Variants in COX16 observed in about 807,000 individuals in gnomAD.
The protein encoded by COX16 is cytochrome c oxidase assembly protein COX16 homolog, mitochondrial.
A neutral mutation model predicts 15.4 loss-of-function variants in COX16; 12 were observed. That is an observed-to-expected ratio of 0.78 (90% CI 0.50 to 1.26). The LOEUF is 1.26. Ranked by LOEUF, COX16 falls within the 50% of genes most tolerant of loss-of-function variation. The pLI, the probability that COX16 is intolerant of heterozygous loss-of-function variation, is 0.00. For synonymous variants in COX16, 46 were observed against 41.1 expected, an observed-to-expected ratio of 1.12 and a Z score of -0.46; for missense variants, 124 against 127.6, an observed-to-expected ratio of 0.97 and a Z score of 0.14.
intron 2 of COX16, among the ~76,000 whole-genome samples, chr14:70,339,727 C>T (rs1886568091): frequency 1.3e-5 from 2 of 152,168 alleles, no homozygotes; most frequent in South Asian, 2.1e-4. Context: ...ATCCTCTCTA[C>T]CTAACTGGAA....
At chr14:70,333,123 A>C (rs1020902178) in intron 2 of COX16, among the ~76,000 whole-genome samples, 1 of 152,134 alleles carries the variant, frequency 6.6e-6, no homozygotes. Flanking sequence ...ACAAAACCAG[A>C]CTTGCACAGA....
chr14:70,328,071 GA>G (rs1886142169), intron 3 of COX16: 1 of 59,074 alleles, frequency 1.7e-5, no homozygotes, highest in South Asian at 7.2e-4. Context: ...CTGAGAATAA[GA>G]TTTTTTTTTT....
chr14:70,352,507 T>G (rs1886985455), intron 1 of COX16, among the ~76,000 whole-genome samples: 1 of 152,110 alleles, frequency 6.6e-6, no homozygotes, highest in African/African-American at 2.4e-5. Flanking sequence ...TATATTTGTA[T>G]GTGTGTCATA....
At chr14:70,330,814 C>A (rs1463833718) in intron 2 of COX16, among the ~76,000 whole-genome samples, 13 of 152,172 alleles carry the variant, frequency 8.5e-5, no homozygotes, top group Admixed American at 6.5e-5. Flanking sequence ...TGCACAATTT[C>A]TTATCTATTA....
intron 2 of COX16, among the ~76,000 whole-genome samples, chr14:70,341,943 AAT>A (rs1468749264): frequency 1.2e-4 from 19 of 152,160 alleles, no homozygotes; most frequent in Admixed American, 4.6e-4. Context: ...TATACTGAAA[AAT>A]AGTTTTCCTT....
intron 1 of COX16, among the ~76,000 whole-genome samples, chr14:70,350,077 T>C (rs1886901545): frequency 6.6e-6 from 1 of 152,172 alleles, no homozygotes; most frequent in East Asian, 1.9e-4. Flanking sequence ...CCCTTTTCTA[T>C]AACCAAATAG....
chr14:70,357,513 T>G (rs750853764), intron 1 of COX16, among the ~76,000 whole-genome samples: 1 of 152,180 alleles, frequency 6.6e-6, no homozygotes, highest in Non-Finnish European at 1.5e-5. Flanking sequence ...ACTGGCAGAT[T>G]TGTTGGTTTT....
At chr14:70,330,980 ATAAAG>A (rs1412198747) in intron 2 of COX16, among the ~76,000 whole-genome samples, 7 of 151,962 alleles carry the variant, frequency 4.6e-5, no homozygotes, top group African/African-American at 1.5e-4. Context: ...CTTAAAAATC[ATAAAG>A]TAAAAGAAGA....
rs1378210129 is a variant in COX16, at chr14:70,337,993, G to C, written c.141+4665C>G. Among the ~76,000 whole-genome samples the C allele has an allele frequency of 2.6e-5, 4 of 152,150 alleles. No homozygotes were observed. The East Asian group carries it at 7.7e-4, about 29-fold the overall frequency. On this transcript the variant is annotated intron_variant, in intron 2 of 3. Transcript: ENST00000389912. ...GAAGAATATAACACACATCTGATTGGTATCCCATAAAGAAAACTCGGCAAA... is the reference window on the plus strand; with the variant it reads ...GAAGAATATAACACACATCTGATTGCTATCCCATAAAGAAAACTCGGCAAA...
At chr14:70,341,005 T>A (rs571396141) in intron 2 of COX16, among the ~76,000 whole-genome samples, 2 of 152,340 alleles carry the variant, frequency 1.3e-5, no homozygotes, top group African/African-American at 4.8e-5. Context: ...TTATAAGTAC[T>A]AGTTTCTGAA....
intron 2 of COX16, among the ~76,000 whole-genome samples, chr14:70,336,290 C>T (rs1356704833): frequency 6.6e-6 from 1 of 151,576 alleles, no homozygotes; most frequent in Non-Finnish European, 1.5e-5. Context: ...AACAAAAAAG[C>T]GCAGTAGTGT....
chr14:70,330,534 G>A (rs1886250129), intron 2 of COX16, among the ~76,000 whole-genome samples: 1 of 152,000 alleles, frequency 6.6e-6, no homozygotes, highest in Non-Finnish European at 1.5e-5. Context: ...AAAAATAACA[G>A]GCCAGCTTCA....
chr14:70,348,512 G>T (rs1339635335), intron 1 of COX16, among the ~76,000 whole-genome samples: 1 of 151,992 alleles, frequency 6.6e-6, no homozygotes, highest in Non-Finnish European at 1.5e-5. Flanking sequence ...TTGGTTTGTA[G>T]ATGGCAGCTC....
intron 2 of COX16, among the ~76,000 whole-genome samples, chr14:70,336,569 AT>A (rs771450717): frequency 7.9e-5 from 12 of 152,246 alleles, no homozygotes; most frequent in Non-Finnish European, 1.5e-4. Flanking sequence ...TGTAAAAGGG[AT>A]AAAACACAAA....
intron 2 of COX16, among the ~76,000 whole-genome samples, chr14:70,330,954 A>G (rs1566597016): frequency 2.6e-5 from 4 of 152,216 alleles, no homozygotes; most frequent in Non-Finnish European, 5.9e-5. Context: ...TATACTTTGG[A>G]GTAGGGAAAA....
chr14:70,328,487 C>A (rs147801737), intron 3 of COX16, among the ~76,000 whole-genome samples: 6 of 152,264 alleles, frequency 3.9e-5, no homozygotes, highest in African/African-American at 1.4e-4. Flanking sequence ...AACATCCTCA[C>A]CACATCCCAT....
chr14:70,333,014 T>G (rs1167977368), intron 2 of COX16, among the ~76,000 whole-genome samples: 1 of 152,174 alleles, frequency 6.6e-6, no homozygotes, highest in African/African-American at 2.4e-5. Flanking sequence ...TTGGGCACTC[T>G]CTAGGGCTGA....
At chr14:70,350,386 C>G (rs1364806819) in intron 1 of COX16, among the ~76,000 whole-genome samples, 1 of 152,160 alleles carries the variant, frequency 6.6e-6, no homozygotes, top group African/African-American at 2.4e-5. Context: ...CTCAGCCCGC[C>G]TGCACCCAGG....
chr14:70,355,990 C>T lies in COX16; in HGVS notation c.69+3529G>A, dbSNP rs147256399. Among the ~76,000 whole-genome samples, 47 of 152,306 alleles carry T rather than the reference C, an allele frequency of 3.1e-4. No homozygotes were observed. In the East Asian group the frequency reaches 7.5e-3, roughly 24 times the overall value. On this transcript the variant is annotated intron_variant, in intron 1 of 3. Coordinates refer to ENST00000389912, the MANE Select transcript of COX16 (RefSeq NM_016468.7). ...TCTGCACATGCTGGCTCCCTTTTGC[C>T]TTCTGCCACAAGTGGAAGCAGCTTG...
Sources: allele counts gnomAD v4.1 joint callset (sites outside exome capture counted in the v4.1 genomes callset), GRCh38; gene constraint gnomAD v4.1.1; transcripts MANE v1.5; gene names NCBI Gene and HGNC (gene_info 2026-07-23, HGNC 2026-07-21).